ATP8A1: variants seen among roughly 807,000 people sequenced by gnomAD.
ATP8A1 encodes the protein phospholipid-transporting ATPase IA.
A neutral mutation model predicts 177.7 loss-of-function variants in ATP8A1; 90 were observed. That is an observed-to-expected ratio of 0.51 (90% CI 0.43 to 0.60). The LOEUF (loss-of-function observed/expected upper bound fraction) is 0.60, where lower values mean the gene tolerates loss of function less well. Among genes scored for constraint, ATP8A1 ranks in the 20% least tolerant of loss-of-function variants. The pLI is 0.00. For missense variants in ATP8A1, 1,072 were observed against 1,392.8 expected (o/e 0.77, Z 3.67); for synonymous variants, 493 against 485.9 (o/e 1.01, Z -0.19).
rs149586276 is a variant in ATP8A1, at chr4:42,623,223, A to C, written c.363+1313T>G. 1.5e-4 allele frequency among the ~76,000 whole-genome samples: 23 copies of C among 152,330 alleles called. No individual in the cohort carries two copies. In the East Asian group the frequency reaches 4.4e-3, roughly 29 times the overall value. ...GATGCTGGCAAGGTTGTAGAGAAAA[A>C]GGAACATTTATACACTGTTGGTGGG... On this transcript the variant is annotated intron_variant, in intron 4 of 36. Transcript: ENST00000381668.
chr4:42,553,574 A>G (rs187088184), intron 16 of ATP8A1, among the ~76,000 whole-genome samples: 1 of 152,280 alleles, frequency 6.6e-6, no homozygotes, highest in Admixed American at 6.5e-5. Context: ...ATAAAGAGAA[A>G]TGTCATTCAA....
chr4:42,452,211 C>T (rs923004717), intron 29 of ATP8A1, 152 bp from the exon 30 acceptor site: 2 of 440,656 alleles, frequency 4.5e-6, no homozygotes, highest in Non-Finnish European at 8.2e-6. Flanking sequence ...CTTTCTGCCT[C>T]TTAGACTTTC....
At chr4:42,450,133 C>G (rs193111853) in intron 30 of ATP8A1, among the ~76,000 whole-genome samples, 1 of 152,154 alleles carries the variant, frequency 6.6e-6, no homozygotes, top group Admixed American at 6.5e-5. Flanking sequence ...AACTGATGAA[C>G]AGATTAAAAA....
chr4:42,653,303 A>G (rs1389686659), intron 1 of ATP8A1, among the ~76,000 whole-genome samples: 3 of 134,508 alleles, frequency 2.2e-5, no homozygotes, highest in Non-Finnish European at 4.9e-5. Context: ...CCCATTTGCC[A>G]CACAACAAAT....
rs970897961 is a variant in ATP8A1, at chr4:42,410,580, T to G, written c.*2336A>C. ...GTTTCACCAAGAAGGTCATTCCCTG[T>G]CCCTCAAACCCCAAGTCTCACCCAG... On this transcript the variant is annotated 3_prime_UTR_variant, in exon 37 of 37. Coordinates refer to ENST00000381668, the MANE Select transcript of ATP8A1 (RefSeq NM_006095.2). The G allele has an allele frequency of 6.6e-6, 1 of 152,146 alleles. No homozygotes were observed. Among genetic ancestry groups the G allele is most frequent in the Non-Finnish European group, 1.5e-5 (1 of 68,012 alleles). The allele number at this position is 152,146 out of a possible 1,614,324, so 9.4% of individuals were successfully genotyped here. A position where few individuals can be genotyped will look rare whatever the true frequency, so the allele number is the denominator to read the frequency against.
chr4:42,613,678 G>A (rs542795984), intron 5 of ATP8A1, among the ~76,000 whole-genome samples: 42 of 152,114 alleles, frequency 2.8e-4, no homozygotes, highest in Non-Finnish European at 4.9e-4. Flanking sequence ...CCGCCTCCTG[G>A]GTTTGAGCGA....
intron 16 of ATP8A1, among the ~76,000 whole-genome samples, chr4:42,554,084 A>G (rs1372280266): frequency 6.6e-6 from 1 of 152,222 alleles, no homozygotes; most frequent in African/African-American, 2.4e-5. Flanking sequence ...GAGAGAACGC[A>G]GAGAATAGGC....
At chr4:42,552,670 TA>T in intron 16 of ATP8A1, 60 bp from the exon 17 acceptor site, 1 of 1,168,208 alleles carries the variant, frequency 8.6e-7, no homozygotes, top group South Asian at 1.3e-5. Flanking sequence ...ACACTGACAG[TA>T]ATATTACTTC....
rs138440785 is a variant in ATP8A1, at chr4:42,476,304, A to C, written c.2324+9192T>G. On this transcript the variant is annotated intron_variant, in intron 25 of 36. Transcript: ENST00000381668. ...TATGTGTAAAAGACCTACATGAAAA[A>C]ACTAAAGCTGTAAAGTTAACAGAAG... Among the ~76,000 whole-genome samples the C allele has an allele frequency of 4.7e-4, 72 of 152,260 alleles. No homozygotes were observed. The East Asian group carries it at 0.013, about 28-fold the overall frequency.
intron 20 of ATP8A1, among the ~76,000 whole-genome samples, chr4:42,530,129 CCT>C (rs1291113377): frequency 2.6e-5 from 4 of 152,330 alleles, no homozygotes; most frequent in African/African-American, 4.8e-5. Flanking sequence ...CCCAGCCACC[CCT>C]GTCATTACCC....
intron 20 of ATP8A1, among the ~76,000 whole-genome samples, chr4:42,543,349 A>AT (rs781682253): frequency 1.3e-5 from 2 of 152,174 alleles, no homozygotes; most frequent in African/African-American, 2.4e-5. Context: ...ATTAAAAAAA[A>AT]GGGCCCTGGT....
At chr4:42,656,731 G>C (rs767771594) in intron 1 of ATP8A1, 94 bp downstream of exon 1, 121 of 1,328,600 alleles carry the variant, frequency 9.1e-5, no homozygotes, top group Non-Finnish European at 1.2e-4. Context: ...CGGGGAAGAG[G>C]TAGGATGCGG....
intron 1 of ATP8A1, among the ~76,000 whole-genome samples, chr4:42,632,084 T>C (rs1160069738): frequency 3.3e-5 from 5 of 152,150 alleles, no homozygotes; most frequent in South Asian, 2.1e-4. Context: ...ACAGAGCAAA[T>C]TGGCAGGCAA....
chr4:42,623,853 TAA>T (rs975173830), intron 4 of ATP8A1, among the ~76,000 whole-genome samples: 7 of 152,132 alleles, frequency 4.6e-5, no homozygotes, highest in African/African-American at 1.7e-4. Flanking sequence ...CCCCTGAACT[TAA>T]AAGTCTCTCC....
intron 22 of ATP8A1, among the ~76,000 whole-genome samples, chr4:42,507,780 T>TGAA (rs1724557433): frequency 5.6e-5 from 1 of 17,700 alleles, no homozygotes. Context: ...ACAGGCATTC[T>TGAA]AAAAAAAAAA....
At chr4:42,519,413 C>T (rs1243571938) in intron 22 of ATP8A1, among the ~76,000 whole-genome samples, 1 of 152,126 alleles carries the variant, frequency 6.6e-6, no homozygotes, top group East Asian at 1.9e-4. Flanking sequence ...TATTCTTTTT[C>T]CCTACAATGA....
At chr4:42,485,347 C>T (rs1226533342) in intron 25 of ATP8A1, 149 bp downstream of exon 25, 3 of 577,714 alleles carry the variant, frequency 5.2e-6, no homozygotes, top group Non-Finnish European at 8.3e-6. Context: ...AAATTCCATC[C>T]CAGTTTGTGA....
At chr4:42,502,552 T>C (rs1458645971) in intron 24 of ATP8A1, among the ~76,000 whole-genome samples, 3 of 152,184 alleles carry the variant, frequency 2.0e-5, no homozygotes, top group Non-Finnish European at 4.4e-5. Flanking sequence ...CCAGATCAAA[T>C]GACGCGTGGC....
chr4:42,496,524 C>G (rs1269528391), intron 24 of ATP8A1, among the ~76,000 whole-genome samples: 1 of 152,080 alleles, frequency 6.6e-6, no homozygotes, highest in Admixed American at 6.6e-5. Flanking sequence ...AACTGGCTTT[C>G]TCAAAATAAG....
Sources: allele counts gnomAD v4.1 joint callset (sites outside exome capture counted in the v4.1 genomes callset), GRCh38; gene constraint gnomAD v4.1.1; transcripts MANE v1.5; gene names NCBI Gene and HGNC (gene_info 2026-07-23, HGNC 2026-07-21).